Variants in MBTD1 observed in about 807,000 individuals in gnomAD.
The protein encoded by MBTD1 is MBT domain-containing protein 1.
MBTD1 carries 24 observed loss-of-function variants against 87.8 expected under a neutral mutation model. The ratio of observed to expected loss-of-function variants is 0.27; its 90% CI spans 0.20 to 0.38. The LOEUF (loss-of-function observed/expected upper bound fraction) is 0.38. Among genes scored for constraint, MBTD1 ranks in the 10% least tolerant of loss-of-function variants. MBTD1 has a pLI of 1.00. For missense variants in MBTD1, 436 were observed against 760.2 expected, an observed-to-expected ratio of 0.57 and a Z score of 5.02; for synonymous variants, 237 against 248.6, an observed-to-expected ratio of 0.95 and a Z score of 0.44.
chr17:51,194,566 CAAA>C (rs71355733), intron 13 of MBTD1, among the ~76,000 whole-genome samples: 19 of 19,728 alleles, frequency 9.6e-4, no homozygotes, highest in African/African-American at 3.4e-3. Context: ...GAGACTGTCT[CAAA>C]AAAAAAAAAA....
At chr17:51,249,088 A>G (rs965228809) in intron 2 of MBTD1, among the ~76,000 whole-genome samples, 6 of 132,580 alleles carry the variant, frequency 4.5e-5, no homozygotes, top group Admixed American at 1.6e-4. Context: ...TCGTCTCTAC[A>G]ATAAGCAAAA....
rs908330953 is a variant in MBTD1 at position 51,179,526 on chromosome 17, A to T, written c.*1050T>A. 112 of 102,792 alleles carry T rather than the reference A, an allele frequency of 1.1e-3. No homozygotes were observed. The highest frequency in any genetic ancestry group is 1.7e-3 in the Non-Finnish European group (81 of 46,454). The allele number at this position is 102,792 out of a possible 1,614,324, so 6.4% of individuals were successfully genotyped here. On this transcript the variant is annotated 3_prime_UTR_variant, in exon 17 of 17. Transcript: ENST00000586178. ...TATATATATATATATATATATATAT[A>T]TATATATATATGGAATTTTAAGAAA...
At chr17:51,252,059 C>T (rs1185126380) in intron 2 of MBTD1, among the ~76,000 whole-genome samples, 3 of 152,288 alleles carry the variant, frequency 2.0e-5, no homozygotes, top group East Asian at 3.9e-4. Context: ...GCCACTGCAC[C>T]CAACCATGTT....
Position 51,192,912 on chromosome 17 carries a change from A to T in MBTD1, c.1560T>A (p.Arg520=). 6.2e-7 allele frequency: 1 copy of T among 1,614,150 alleles called. No homozygotes were observed. The highest frequency in any genetic ancestry group is 8.5e-7 in the Non-Finnish European group (1 of 1,179,992). ...CVATVTRIIH[R]LLRIHFDGWE... is the part of the protein sequence containing the mutation. Reference sequence around the variant, plus strand: ...ATCCATCAAAATGTATCCTCAAGAGACGATGAATAATTCGAGTTACTGTGG... The same window carrying T: ...ATCCATCAAAATGTATCCTCAAGAGTCGATGAATAATTCGAGTTACTGTGG... Residue 520 remains arginine, a synonymous_variant, in exon 15 of 17, where the codon CGT becomes CGA. Coordinates refer to ENST00000586178, the MANE Select transcript of MBTD1 (RefSeq NM_017643.3).
chr17:51,178,883 A>G lies in MBTD1; in HGVS notation c.*1693T>C, dbSNP rs2144919351. 1 of 152,326 alleles carries G rather than the reference A, an allele frequency of 6.6e-6. No individual in the cohort carries two copies. Among genetic ancestry groups the G allele is most frequent in the African/African-American group, 2.4e-5 (1 of 41,578 alleles). The allele number at this position is 152,326 out of a possible 1,614,324, so 9.4% of individuals were successfully genotyped here. ...ATACATTCTTACACTATAAAGTAAC[A>G]AATTTTACTTCCAGTAGCTATTATA... On this transcript the variant is annotated 3_prime_UTR_variant, in exon 17 of 17. Coordinates refer to ENST00000586178, the MANE Select transcript of MBTD1 (RefSeq NM_017643.3).
chr17:51,188,304 A>G (rs2050639571), intron 16 of MBTD1, among the ~76,000 whole-genome samples: 1 of 152,180 alleles, frequency 6.6e-6, no homozygotes, highest in South Asian at 2.1e-4. Context: ...AGAACCTTAT[A>G]CTTATTCTCA....
chr17:51,206,845 G>C (rs1460409576), intron 7 of MBTD1, 43 bp downstream of exon 7: 1 of 1,289,208 alleles, frequency 7.8e-7, no homozygotes, highest in South Asian at 1.2e-5. Flanking sequence ...AAGGTTACAA[G>C]GATCTCTGCA....
intron 2 of MBTD1, among the ~76,000 whole-genome samples, chr17:51,255,562 G>A (rs1480465064): frequency 2.6e-5 from 4 of 151,044 alleles, no homozygotes; most frequent in African/African-American, 4.9e-5. Flanking sequence ...AAGCTTAGAA[G>A]TCTTAAAGTA....
At chr17:51,233,158 CACATCTAA>C (rs2053637911) in intron 2 of MBTD1, among the ~76,000 whole-genome samples, 1 of 149,866 alleles carries the variant, frequency 6.7e-6, no homozygotes, top group South Asian at 2.1e-4. Context: ...AAAAGGTATC[CACATCTAA>C]ACAGACCATA....
At position 51,259,857 on chromosome 17, in the gene MBTD1, A is replaced by G; in HGVS notation, c.-135T>C. The G allele has an allele frequency of 8.1e-7, 1 of 1,231,728 alleles. No individual in the cohort carries two copies. The highest frequency in any genetic ancestry group is 1.0e-6 in the Non-Finnish European group (1 of 987,808). The allele number at this position is 1,231,728 out of a possible 1,614,324, so 76.3% of individuals were successfully genotyped here. On this transcript the variant is annotated 5_prime_UTR_variant, in exon 1 of 17. The change abolishes the stop of an existing upstream ORF in the 5' untranslated region. Coordinates refer to ENST00000586178, the MANE Select transcript of MBTD1 (RefSeq NM_017643.3). ...CACCAGATCCTTTGTGTTTTCCATCAGGGCCTCATGGGTAGGGGTTGTCCG... is the reference window on the plus strand; with the variant it reads ...CACCAGATCCTTTGTGTTTTCCATCGGGGCCTCATGGGTAGGGGTTGTCCG...
chr17:51,217,702 A>C (rs1249698613), intron 5 of MBTD1, among the ~76,000 whole-genome samples: 3 of 152,100 alleles, frequency 2.0e-5, no homozygotes, highest in African/African-American at 7.2e-5. Flanking sequence ...TCTGCTTCCC[A>C]GGTTCAAGTG....
intron 7 of MBTD1, among the ~76,000 whole-genome samples, chr17:51,205,528 A>C (rs1306691314): frequency 6.6e-6 from 1 of 152,228 alleles, no homozygotes; most frequent in Non-Finnish European, 1.5e-5. Flanking sequence ...ACAGCTGGGA[A>C]AATGTTTCAA....
intron 16 of MBTD1, among the ~76,000 whole-genome samples, chr17:51,189,315 T>C (rs1249334895): frequency 2.6e-5 from 4 of 152,206 alleles, no homozygotes; most frequent in Non-Finnish European, 4.4e-5. Context: ...ATAGTTCTTT[T>C]CTTTTCTATG....
At chr17:51,253,777 T>TACTGTAACTGTCACTTAGGTA in intron 2 of MBTD1, among the ~76,000 whole-genome samples, 2 of 152,314 alleles carry the variant, frequency 1.3e-5, no homozygotes, top group South Asian at 4.1e-4. Flanking sequence ...TTCATTGTCC[T>TACTGTAACTGTCACTTAGGTA]ACTGTAACTG....
At chr17:51,191,981 G>T in intron 16 of MBTD1, 3 of 522,998 alleles carry the variant, frequency 5.7e-6, no homozygotes, top group South Asian at 2.5e-5. Context: ...TCTTTACCAC[G>T]TATACTTTAA....
At chr17:51,226,030 CG>C (rs1366821720) in intron 2 of MBTD1, among the ~76,000 whole-genome samples, 2 of 150,428 alleles carry the variant, frequency 1.3e-5, no homozygotes, top group African/African-American at 4.9e-5. Context: ...CCGCCCACCT[CG>C]GCCTCCCAAA....
At chr17:51,215,927 ATTTTTTTT>A (rs35988235) in intron 6 of MBTD1, among the ~76,000 whole-genome samples, 1 of 114,210 alleles carries the variant, frequency 8.8e-6, no homozygotes, top group African/African-American at 3.4e-5. Flanking sequence ...TAAAGCCCTA[ATTTTTTTT>A]TTTTTTTTTT....
chr17:51,251,283 A>C (rs2054765375), intron 2 of MBTD1: 1 of 152,080 alleles, frequency 6.6e-6, no homozygotes, highest in Admixed American at 6.5e-5. Flanking sequence ...CTCTTCTCTA[A>C]GTTCAGTTTT....
chr17:51,201,813 A>G lies in MBTD1; in HGVS notation c.1120-117T>C. 4 of 780,798 alleles carry G rather than the reference A, an allele frequency of 5.1e-6. No homozygotes were observed. The East Asian group carries it at 1.0e-4, about 20-fold the overall frequency. The allele number at this position is 780,798 out of a possible 1,614,324, so 48.4% of individuals were successfully genotyped here. A position where few individuals can be genotyped will look rare whatever the true frequency, so the allele number is the denominator to read the frequency against. On this transcript the variant is annotated intron_variant, in intron 11 of 16. Coordinates refer to ENST00000586178, the MANE Select transcript of MBTD1 (RefSeq NM_017643.3). ...CTTCTCCTACCTACCTAATATTATAACTCAAACTTCCATTAAGGTTTAGAG... is the reference window on the plus strand; with the variant it reads ...CTTCTCCTACCTACCTAATATTATAGCTCAAACTTCCATTAAGGTTTAGAG...
Sources: allele counts gnomAD v4.1 joint callset (sites outside exome capture counted in the v4.1 genomes callset), GRCh38; gene constraint gnomAD v4.1.1; transcripts MANE v1.5; gene names NCBI Gene and HGNC (gene_info 2026-07-23, HGNC 2026-07-21).